Variants in NCKAP1 observed in about 807,000 individuals in gnomAD.
NCKAP1 encodes the protein nck-associated protein 1.
In NCKAP1, 21 loss-of-function variants were observed where a neutral mutation model predicts 151.2. That is an observed-to-expected ratio of 0.14 (90% CI 0.10 to 0.20). The LOEUF (loss-of-function observed/expected upper bound fraction) is 0.20. Ranked by LOEUF, NCKAP1 falls within the 10% of genes least tolerant of loss-of-function variation. NCKAP1 has a pLI of 1.00. For synonymous variants in NCKAP1, 484 were observed against 451.8 expected, an observed-to-expected ratio of 1.07 and a Z score of -0.90; for missense variants, 933 against 1,352.1, an observed-to-expected ratio of 0.69 and a Z score of 4.86.
intron 15 of NCKAP1, among the ~76,000 whole-genome samples, chr2:182,972,221 T>C (rs577651489): frequency 0.011 from 173 of 15,164 alleles, 3 homozygotes; most frequent in African/African-American, 0.043. Context: ...AACAGCTTAA[T>C]AGCAAAAAAA....
chr2:182,957,302 C>A (rs1697346648), intron 19 of NCKAP1, 155 bp downstream of exon 19: 2 of 776,446 alleles, frequency 2.6e-6, no homozygotes, highest in Non-Finnish European at 3.7e-6. Flanking sequence ...AAATAAGCAA[C>A]TAACAGGTTA....
chr2:182,944,965 T>C (rs930729241), intron 23 of NCKAP1, among the ~76,000 whole-genome samples: 5 of 152,088 alleles, frequency 3.3e-5, no homozygotes, highest in Non-Finnish European at 7.4e-5. Context: ...CTGGGCGTGG[T>C]GGCTCACACC....
intron 13 of NCKAP1, among the ~76,000 whole-genome samples, chr2:182,979,645 C>A (rs1697898935): frequency 1.3e-5 from 2 of 151,986 alleles, no homozygotes; most frequent in Admixed American, 1.3e-4. Context: ...ACACCTATTG[C>A]AATCAACTAT....
In NCKAP1 at chr2:183,001,972, T is replaced by A; in HGVS notation, c.584A>T (p.Glu195Val). 3 of 1,613,802 alleles carry A rather than the reference T, an allele frequency of 1.9e-6. No homozygotes were observed. The highest frequency in any genetic ancestry group is 2.5e-6 in the Non-Finnish European group (3 of 1,179,764). ...YENPLKKMME[E>V]FVPHSKSLSD... ...TCTTACCTTGCTATGGGGTACAAAT[T>A]CTTCCATCATCTTCTTTAAAGGGTT... Residue 195 changes from glutamate to valine, a missense_variant, in exon 6 of 31, where the codon GAA (glutamate) becomes GTA (valine). By Grantham distance (121) the Glu-to-Val change is moderately radical. Transcript: ENST00000361354.
intron 8 of NCKAP1, among the ~76,000 whole-genome samples, chr2:182,989,587 C>G (rs1698126488): frequency 6.6e-6 from 1 of 152,114 alleles, no homozygotes. Flanking sequence ...TGGCTTATGC[C>G]TTTAATCCCA....
rs3791248 is a variant in NCKAP1, at chr2:183,034,004, T to C, written c.108+3988A>G. Among the ~76,000 whole-genome samples, 864 of 152,264 alleles carry C rather than the reference T, an allele frequency of 5.7e-3. 15 individuals are homozygous for C. The East Asian group carries it at 0.065, about 11-fold the overall frequency. On this transcript the variant is annotated intron_variant, in intron 1 of 30. Coordinates refer to ENST00000361354, the MANE Select transcript of NCKAP1 (RefSeq NM_013436.5). ...ATTATTTATCATTGCTACTTAAAAA[T>C]TAAAAATAATTATTTTCCTAAGCAT... is the stretch of plus-strand genomic sequence containing the variant.
chr2:182,937,189 C>G (rs900551209), intron 24 of NCKAP1, among the ~76,000 whole-genome samples: 18 of 148,390 alleles, frequency 1.2e-4, no homozygotes, highest in Non-Finnish European at 1.3e-4. Context: ...TGTGATATAG[C>G]CATATATTTT....
chr2:182,973,243 G>A (rs1407809858), intron 15 of NCKAP1, among the ~76,000 whole-genome samples: 5 of 152,048 alleles, frequency 3.3e-5, no homozygotes, highest in Admixed American at 6.5e-5. Context: ...AAATTCAGAA[G>A]AAATGGATGG....
intron 24 of NCKAP1, among the ~76,000 whole-genome samples, chr2:182,936,069 C>A (rs1231417547): frequency 1.3e-5 from 2 of 151,844 alleles, no homozygotes; most frequent in African/African-American, 2.4e-5. Flanking sequence ...GCACCCTGGG[C>A]AACATAGCAA....
rs1464253828 is a variant in NCKAP1, at chr2:182,912,888, A to AAGGAAGGAAG, written c.*12813_*12814insCTTCCTTCCT. ...AGGAAGGAAGGAAGGAAGGAAGGAA[A>AAGGAAGGAAG]GAATTCAGCCAGATGAACTTTAGTT... On this transcript the variant is annotated 3_prime_UTR_variant, in exon 31 of 31. Coordinates refer to ENST00000361354, the MANE Select transcript of NCKAP1 (RefSeq NM_013436.5). The AAGGAAGGAAG allele has an allele frequency of 1.7e-4, 4 of 23,548 alleles. No individual in the cohort carries two copies. The highest frequency in any genetic ancestry group is 2.8e-4 in the Non-Finnish European group (2 of 7,104). 1.5% of individuals were successfully genotyped at this position (23,548 alleles called of 1,614,324 possible).
intron 18 of NCKAP1, among the ~76,000 whole-genome samples, chr2:182,961,772 G>GA (rs1027757673): frequency 1.5e-3 from 221 of 146,454 alleles, no homozygotes; most frequent in African/African-American, 5.2e-3. Context: ...AAGTTGGAAA[G>GA]AAAAAAAAAA....
chr2:183,003,315 G>A lies in NCKAP1; in HGVS notation c.230C>T (p.Ala77Val). ...CTCTGATTTTTCTTTCTGTAGTTGT[G>A]CAAGCTGTTGCTGTAAAAACAAAAT... ...VETRNNNQQL[A>V]QLQKEKSEIL... Residue 77 changes from alanine to valine, a missense_variant, in exon 3 of 31, where the codon GCA (alanine) becomes GTA (valine). Coordinates refer to ENST00000361354, the MANE Select transcript of NCKAP1 (RefSeq NM_013436.5). 1 of 1,591,310 alleles carries A rather than the reference G, an allele frequency of 6.3e-7. No homozygotes were observed. The highest frequency in any genetic ancestry group is 8.6e-7 in the Non-Finnish European group (1 of 1,169,178).
intron 23 of NCKAP1, among the ~76,000 whole-genome samples, chr2:182,943,458 C>CT (rs1284039017): frequency 6.6e-6 from 1 of 152,128 alleles, no homozygotes. Context: ...TCTATGGTCT[C>CT]TGATTAGGCT....
At chr2:183,022,575 C>T (rs1698815877) in intron 2 of NCKAP1, among the ~76,000 whole-genome samples, 2 of 152,032 alleles carry the variant, frequency 1.3e-5, no homozygotes. Context: ...TCCCTTGAGC[C>T]CAGGAGTTCA....
At chr2:182,949,499 A>C (rs2105818883) in intron 23 of NCKAP1, among the ~76,000 whole-genome samples, 1 of 152,312 alleles carries the variant, frequency 6.6e-6, no homozygotes, top group Non-Finnish European at 1.5e-5. Flanking sequence ...TCCTTGAATA[A>C]AACAGAGTTA....
chr2:183,002,335 C>A, intron 4 of NCKAP1, 66 bp from the exon 5 acceptor site: 1 of 1,131,624 alleles, frequency 8.8e-7, no homozygotes, highest in South Asian at 1.6e-5. Flanking sequence ...CACACAAAAT[C>A]TTCATAGAAG....
intron 23 of NCKAP1, among the ~76,000 whole-genome samples, chr2:182,943,227 CAGCAAGCATATAAA>C (rs1334710897): frequency 6.6e-6 from 1 of 152,010 alleles, no homozygotes; most frequent in Non-Finnish European, 1.5e-5. Flanking sequence ...TGGGAAGGTG[CAGCAAGCATATAAA>C]GTGCCATGGT....
chr2:182,992,571 C>G (rs1559097273), intron 8 of NCKAP1, among the ~76,000 whole-genome samples: 1 of 152,162 alleles, frequency 6.6e-6, no homozygotes, highest in Non-Finnish European at 1.5e-5. Context: ...CACAACCGAG[C>G]AAGATCAAAA....
chr2:182,986,786 A>C (rs555703174), intron 9 of NCKAP1, among the ~76,000 whole-genome samples: 2 of 152,328 alleles, frequency 1.3e-5, no homozygotes, highest in African/African-American at 4.8e-5. Flanking sequence ...TTTTTTTAAA[A>C]AAACTTATTT....
Sources: allele counts gnomAD v4.1 joint callset (sites outside exome capture counted in the v4.1 genomes callset), GRCh38; gene constraint gnomAD v4.1.1; transcripts MANE v1.5; gene names NCBI Gene and HGNC (gene_info 2026-07-23, HGNC 2026-07-21).